CUX2: variants seen among roughly 807,000 people sequenced by gnomAD.
The protein encoded by CUX2 is cut like homeobox 2.
Under a neutral mutation model 144.8 loss-of-function variants are expected in CUX2, and 40 were observed. The ratio of observed to expected loss-of-function variants is 0.28; its 90% CI spans 0.21 to 0.36. The LOEUF (loss-of-function observed/expected upper bound fraction) is 0.36, where lower values mean the gene tolerates loss of function less well. CUX2 is among the 10% of genes least tolerant of loss of function. The pLI is 1.00. For missense variants in CUX2, 1,615 were observed against 1,994.0 expected (o/e 0.81, Z 3.62); for synonymous variants, 827 against 875.6 (o/e 0.94, Z 0.98).
intron 1 of CUX2, among the ~76,000 whole-genome samples, chr12:111,150,339 A>C (rs777539267): frequency 1.3e-5 from 2 of 152,246 alleles, no homozygotes; most frequent in Admixed American, 6.5e-5. Context: ...AAAAGAAAGA[A>C]TCATGCCTTG....
rs904312915 is a variant in CUX2 at position 111,169,434 on chromosome 12, G to A, written c.64-44766G>A. ...ATTCATCACAGCGTCCGTAGGAACA[G>A]AACCCCCTTTCCCCACCATGCCCCA... On this transcript the variant is annotated intron_variant, in intron 1 of 21. Transcript: ENST00000261726. Among the ~76,000 whole-genome samples, 18 of 152,310 alleles carry A rather than the reference G, an allele frequency of 1.2e-4. 1 individual carries two copies. Among genetic ancestry groups the A allele is most frequent in the African/African-American group, 4.3e-4 (18 of 41,570 alleles).
At chr12:111,330,708 T>TACACATACATATAC (rs1376918595) in intron 18 of CUX2, among the ~76,000 whole-genome samples, 1 of 22,376 alleles carries the variant, frequency 4.5e-5, no homozygotes, top group African/African-American at 1.7e-4. Flanking sequence ...TATATATATA[T>TACACATACATATAC]ATATATATAT....
In CUX2 at chr12:111,310,307, C is replaced by T. The variant is rs1345506674; in HGVS notation, c.1525C>T (p.Pro509Ser). 6.7e-7 allele frequency: 1 copy of T among 1,503,294 alleles called. No homozygotes were observed. Among genetic ancestry groups the T allele is most frequent in the Non-Finnish European group, 8.9e-7 (1 of 1,122,054 alleles). 93.1% of individuals were successfully genotyped at this position (1,503,294 alleles called of 1,614,324 possible). The change falls in exon 15 of 22, where the codon CCA becomes TCA. Residue 509 changes from proline (P) to serine (S), a missense_variant. Physicochemically the swap from Pro to Ser is moderately conservative, Grantham distance 74. Coordinates refer to ENST00000261726, the MANE Select transcript of CUX2 (RefSeq NM_015267.4). The surrounding 1 kb of genome is among the most constrained non-coding windows in gnomAD (Gnocchi z 7.9). ...GGCGGGCGGCCTGCTGGTGTTCCCC[C>T]CAGCCTTCTATGGCGCCAAGCCCCC... ...GEAGGLLVFPPAFYGAKPPTA... is the reference protein window; with the variant it reads ...GEAGGLLVFPSAFYGAKPPTA...
chr12:111,225,649 C>A (rs1160251536), intron 3 of CUX2, among the ~76,000 whole-genome samples: 1 of 152,172 alleles, frequency 6.6e-6, no homozygotes, highest in Non-Finnish European at 1.5e-5. Flanking sequence ...GCAGAAGGAG[C>A]TGAGGATGGT....
At chr12:111,249,551 G>A (rs1883467647) in intron 3 of CUX2, among the ~76,000 whole-genome samples, 1 of 150,352 alleles carries the variant, frequency 6.7e-6, no homozygotes, top group Non-Finnish European at 1.5e-5. Context: ...CTGCCTCCCA[G>A]GTTCAGGTGA....
At position 111,277,316 on chromosome 12, in the gene CUX2, G is replaced by T. The variant is rs529275131; in HGVS notation, c.301+13477G>T. ...TCCCCATCTGTGAAATGGGTTGGTCGTTATGAAGATGGAGCAAAGTTGTAT... is the reference window on the plus strand; with the variant it reads ...TCCCCATCTGTGAAATGGGTTGGTCTTTATGAAGATGGAGCAAAGTTGTAT... On this transcript the variant is annotated intron_variant, in intron 4 of 21. Coordinates refer to ENST00000261726, the MANE Select transcript of CUX2 (RefSeq NM_015267.4). The surrounding 1 kb of genome is among the most constrained non-coding windows in gnomAD (Gnocchi z 5.0). Among the ~76,000 whole-genome samples the T allele has an allele frequency of 6.6e-6, 1 of 152,164 alleles. No individual in the cohort carries two copies. The highest frequency in any genetic ancestry group is 2.4e-5 in the African/African-American group (1 of 41,434).
At chr12:111,218,053 C>A in intron 3 of CUX2, 116 bp downstream of exon 3, 1 of 1,026,182 alleles carries the variant, frequency 9.7e-7, no homozygotes. Flanking sequence ...AGAAGCTTCC[C>A]TGTCCCCATT....
chr12:111,217,395 G>T (rs937780124), intron 2 of CUX2, among the ~76,000 whole-genome samples: 1 of 152,132 alleles, frequency 6.6e-6, no homozygotes, highest in East Asian at 1.9e-4. Context: ...TACAGGGTAG[G>T]GTCACGGAGA....
At chr12:111,309,787 C>T (rs1345390318) in intron 14 of CUX2, among the ~76,000 whole-genome samples, 3 of 149,732 alleles carry the variant, frequency 2.0e-5, no homozygotes, top group Non-Finnish European at 4.5e-5. Flanking sequence ...TGCTCTCCCT[C>T]TCTCTCTCTC....
At chr12:111,087,891 G>A (rs1250523086) in intron 1 of CUX2, among the ~76,000 whole-genome samples, 1 of 152,104 alleles carries the variant, frequency 6.6e-6, no homozygotes, top group Admixed American at 6.5e-5. Context: ...CCAAAAAGTG[G>A]GAACACCCCA....
At chr12:111,096,584 A>G (rs1384897323) in intron 1 of CUX2, among the ~76,000 whole-genome samples, 2 of 152,122 alleles carry the variant, frequency 1.3e-5, no homozygotes, top group Non-Finnish European at 2.9e-5. Context: ...GATGCTTCAC[A>G]TCCCCGCTTC....
At chr12:111,264,414 C>G (rs570845361) in intron 4 of CUX2, among the ~76,000 whole-genome samples, 1 of 152,188 alleles carries the variant, frequency 6.6e-6, no homozygotes, top group Admixed American at 6.5e-5. Context: ...CCTAGACTTA[C>G]AAGGGAGTAT....
Position 111,187,737 on chromosome 12 carries a change from G to C in CUX2, c.64-26463G>C, listed in dbSNP as rs182418985. On this transcript the variant is annotated intron_variant, in intron 1 of 21. Coordinates refer to ENST00000261726, the MANE Select transcript of CUX2 (RefSeq NM_015267.4). Reference sequence around the variant, plus strand: ...TGCAGAGCTCCAGCCTGGGGTTTCTGTGGCCCCCTGTCCAGGTGACCATGG... The same window carrying C: ...TGCAGAGCTCCAGCCTGGGGTTTCTCTGGCCCCCTGTCCAGGTGACCATGG... 4.2e-3 allele frequency among the ~76,000 whole-genome samples: 636 copies of C among 152,302 alleles called. 6 individuals are homozygous for C. The highest frequency in any genetic ancestry group is 0.015 in the African/African-American group (607 of 41,566).
At chr12:111,235,234 A>G (rs529340384) in intron 3 of CUX2, among the ~76,000 whole-genome samples, 96 of 152,272 alleles carry the variant, frequency 6.3e-4, no homozygotes, top group South Asian at 1.9e-3. Context: ...CAGGAAACAC[A>G]CATGGGCAGG....
In CUX2 at chr12:111,190,480, A is replaced by C. The variant is rs186082368; in HGVS notation, c.64-23720A>C. Among the ~76,000 whole-genome samples the C allele has an allele frequency of 8.5e-5, 13 of 152,230 alleles. No individual in the cohort carries two copies. Among genetic ancestry groups the C allele is most frequent in the Admixed American group, 7.8e-4 (12 of 15,292 alleles). Reference sequence around the variant, plus strand: ...CAAATTCATGAACATTCCTCCACCTAGCCTGGCCCCACTATCTAAGCTGCT... The same window carrying C: ...CAAATTCATGAACATTCCTCCACCTCGCCTGGCCCCACTATCTAAGCTGCT... On this transcript the variant is annotated intron_variant, in intron 1 of 21. Coordinates refer to ENST00000261726, the MANE Select transcript of CUX2 (RefSeq NM_015267.4). The surrounding 1 kb of genome is among the most constrained non-coding windows in gnomAD (Gnocchi z 4.0).
At chr12:111,200,757 G>C (rs920253826) in intron 1 of CUX2, among the ~76,000 whole-genome samples, 50 of 152,260 alleles carry the variant, frequency 3.3e-4, no homozygotes, top group African/African-American at 9.6e-4. Flanking sequence ...ATTGGTGGGG[G>C]GCAGGAACAT....
At chr12:111,334,218 T>A (rs1449983236) in intron 18 of CUX2, among the ~76,000 whole-genome samples, 1 of 151,250 alleles carries the variant, frequency 6.6e-6, no homozygotes, top group Non-Finnish European at 1.5e-5. Context: ...AAGCATCATG[T>A]GGGGAGATAC....
intron 20 of CUX2, among the ~76,000 whole-genome samples, chr12:111,341,224 T>C (rs1424844597): frequency 6.6e-6 from 1 of 150,922 alleles, no homozygotes; most frequent in Admixed American, 6.6e-5. Context: ...AGCCCAGGAG[T>C]TCAAGGTTGC....
At position 111,157,010 on chromosome 12, in the gene CUX2, CA is replaced by C. The variant is rs1470495173; in HGVS notation, c.64-57189del. ...CAAAAAAAAAAAAAAAAAAAAAAAACAGAAACAGAAACAAAAAACAGGAGTA... is the reference window on the plus strand; with the variant it reads ...CAAAAAAAAAAAAAAAAAAAAAAAACGAAACAGAAACAAAAAACAGGAGTA... On this transcript the variant is annotated intron_variant, in intron 1 of 21. Transcript: ENST00000261726. Among the ~76,000 whole-genome samples, 11 of 82,040 alleles carry C rather than the reference CA, an allele frequency of 1.3e-4. 1 individual carries two copies. The highest frequency in any genetic ancestry group is 6.2e-4 in the African/African-American group (11 of 17,828). 53.8% of individuals were successfully genotyped at this position (82,040 alleles called of 152,430 possible).
Sources: gnomAD v4.1 joint callset for allele counts (sites outside exome capture counted in the v4.1 genomes callset) on GRCh38, gnomAD v4.1.1 for gene constraint, Gnocchi (gnomAD v3.1) non-coding constraint, MANE v1.5 for transcripts, NCBI Gene and HGNC (gene_info 2026-07-23, HGNC 2026-07-21) for gene names.